The following GALNTL6 variants were observed in gnomAD, a reference collection of about 807,000 sequenced individuals.
GALNTL6 encodes the protein polypeptide N-acetylgalactosaminyltransferase like 6.
In GALNTL6, 46 loss-of-function variants were observed where a neutral mutation model predicts 73.7. That is an observed-to-expected ratio of 0.62 (90% CI 0.49 to 0.80). The LOEUF (loss-of-function observed/expected upper bound fraction) is 0.80, where lower values mean the gene tolerates loss of function less well. GALNTL6 is among the 30% of genes least tolerant of loss of function. The pLI is 0.00. For missense variants in GALNTL6, 604 were observed against 755.0 expected, an observed-to-expected ratio of 0.80 and a Z score of 2.34; for synonymous variants, 259 against 263.7, an observed-to-expected ratio of 0.98 and a Z score of 0.17.
At position 172,493,111 on chromosome 4, in the gene GALNTL6, T is replaced by G. The variant is rs546406666; in HGVS notation, c.553+144422T>G. On this transcript the variant is annotated intron_variant, in intron 5 of 12. Coordinates refer to ENST00000506823, the MANE Select transcript of GALNTL6 (RefSeq NM_001034845.3). ...AGAGAACATCAAATACACTATTTTT[T>G]AAATATCAAATATACCCATACATAA... 5.3e-5 allele frequency among the ~76,000 whole-genome samples: 8 copies of G among 152,332 alleles called. No homozygotes were observed. In the South Asian group the frequency reaches 1.7e-3, roughly 32 times the overall value.
intron 2 of GALNTL6, among the ~76,000 whole-genome samples, chr4:171,923,774 C>A (rs1395212125): frequency 1.1e-4 from 13 of 121,424 alleles, no homozygotes; most frequent in African/African-American, 4.2e-4. Flanking sequence ...CCAGGACACA[C>A]AAAAAGTATT....
At chr4:172,910,093 A>G (rs571020889) in intron 8 of GALNTL6, among the ~76,000 whole-genome samples, 1 of 152,074 alleles carries the variant, frequency 6.6e-6, no homozygotes, top group East Asian at 1.9e-4. Context: ...TGAATAATTT[A>G]TATATAAAAC....
chr4:172,387,631 C>G (rs947278663), intron 5 of GALNTL6, among the ~76,000 whole-genome samples: 2 of 151,958 alleles, frequency 1.3e-5, no homozygotes, highest in Non-Finnish European at 2.9e-5. Flanking sequence ...TTGAGTTTTT[C>G]TTACTTATAA....
chr4:172,018,068 G>C (rs1741266539), intron 2 of GALNTL6, among the ~76,000 whole-genome samples: 1 of 152,088 alleles, frequency 6.6e-6, no homozygotes, highest in Non-Finnish European at 1.5e-5. Flanking sequence ...CAGGCAGTGG[G>C]ATTAGCTGTT....
intron 5 of GALNTL6, among the ~76,000 whole-genome samples, chr4:172,555,033 C>T (rs532864333): frequency 6.6e-6 from 1 of 152,242 alleles, no homozygotes; most frequent in Admixed American, 6.5e-5. Context: ...TCCAGGTCCT[C>T]ACCTCACCTT....
At chr4:172,300,546 G>A (rs2111120311) in intron 3 of GALNTL6, among the ~76,000 whole-genome samples, 1 of 152,280 alleles carries the variant, frequency 6.6e-6, no homozygotes, top group South Asian at 2.1e-4. Context: ...TCCTTCAGGA[G>A]CTCTTTTCGG....
At chr4:172,546,559 C>T (rs1379782048) in intron 5 of GALNTL6, among the ~76,000 whole-genome samples, 2 of 151,212 alleles carry the variant, frequency 1.3e-5, no homozygotes, top group African/African-American at 4.9e-5. Flanking sequence ...ATGATTGTTT[C>T]TTCTTGCCTT....
chr4:172,174,483 C>T (rs974203065), intron 2 of GALNTL6, among the ~76,000 whole-genome samples: 2 of 152,108 alleles, frequency 1.3e-5, no homozygotes, highest in African/African-American at 4.8e-5. Context: ...GTTCTCCCTC[C>T]ACTTTCCAAA....
intron 2 of GALNTL6, among the ~76,000 whole-genome samples, chr4:171,993,155 A>G (rs1740388694): frequency 6.6e-6 from 1 of 152,008 alleles, no homozygotes; most frequent in Admixed American, 6.6e-5. Context: ...GAATTCAGAC[A>G]ATGGAATGGG....
chr4:172,696,826 A>T (rs1733726648), intron 5 of GALNTL6, among the ~76,000 whole-genome samples: 1 of 152,226 alleles, frequency 6.6e-6, no homozygotes, highest in South Asian at 2.1e-4. Flanking sequence ...GAAAAAAATC[A>T]TCACTTCTGT....
chr4:172,999,609 C>T (rs1394560594), intron 10 of GALNTL6, among the ~76,000 whole-genome samples: 1 of 152,034 alleles, frequency 6.6e-6, no homozygotes, highest in Non-Finnish European at 1.5e-5. Context: ...TTACCCTGAC[C>T]CATCTTCCAA....
chr4:172,925,127 C>T (rs1579661956), intron 8 of GALNTL6, among the ~76,000 whole-genome samples: 1 of 151,456 alleles, frequency 6.6e-6, no homozygotes, highest in South Asian at 2.1e-4. Flanking sequence ...CCACCTTGGC[C>T]TCCCAAAGTG....
chr4:172,600,210 C>A (rs1472746246), intron 5 of GALNTL6, among the ~76,000 whole-genome samples: 66 of 151,892 alleles, frequency 4.3e-4, no homozygotes, highest in Non-Finnish European at 8.8e-5. Flanking sequence ...GAATAACTAG[C>A]ACCATATTTG....
intron 5 of GALNTL6, among the ~76,000 whole-genome samples, chr4:172,799,564 A>G (rs1245353088): frequency 6.6e-6 from 1 of 152,172 alleles, no homozygotes; most frequent in African/African-American, 2.4e-5. Flanking sequence ...TTTTTGCTGG[A>G]GATTTCCTCC....
chr4:172,812,079 T>A (rs1311164052), intron 6 of GALNTL6, among the ~76,000 whole-genome samples: 1 of 151,958 alleles, frequency 6.6e-6, no homozygotes, highest in Non-Finnish European at 1.5e-5. Flanking sequence ...GATGGAAGGA[T>A]GGATGGATGG....
At chr4:172,132,040 GAAAAC>G (rs1277683709) in intron 2 of GALNTL6, among the ~76,000 whole-genome samples, 1 of 151,894 alleles carries the variant, frequency 6.6e-6, no homozygotes, top group South Asian at 2.1e-4. Flanking sequence ...ATAGAAAAAA[GAAAAC>G]AAAAGATGAT....
chr4:171,857,805 G>A (rs1735731449), intron 2 of GALNTL6, among the ~76,000 whole-genome samples: 1 of 152,066 alleles, frequency 6.6e-6, no homozygotes, highest in African/African-American at 2.4e-5. Context: ...TTTTTAATTT[G>A]GGATGAAGCA....
At chr4:172,390,619 T>C (rs1215554971) in intron 5 of GALNTL6, among the ~76,000 whole-genome samples, 1 of 152,164 alleles carries the variant, frequency 6.6e-6, no homozygotes, top group Non-Finnish European at 1.5e-5. Flanking sequence ...AAGCATAGTT[T>C]ATACAAAATT....
At chr4:172,131,697 T>C (rs950851957) in intron 2 of GALNTL6, among the ~76,000 whole-genome samples, 1 of 151,832 alleles carries the variant, frequency 6.6e-6, no homozygotes, top group Non-Finnish European at 1.5e-5. Context: ...AATTTATATT[T>C]AGCTGTAGAT....
Sources: allele counts gnomAD v4.1 joint callset (sites outside exome capture counted in the v4.1 genomes callset), GRCh38; gene constraint gnomAD v4.1.1; transcripts MANE v1.5; gene names NCBI Gene and HGNC (gene_info 2026-07-23, HGNC 2026-07-21).